Variants in FUT9 observed in about 807,000 individuals in gnomAD.
The protein encoded by FUT9 is fucosyltransferase 9, also known as 4-galactosyl-N-acetylglucosaminide 3-alpha-L-fucosyltransferase 9.
A neutral mutation model predicts 29.7 loss-of-function variants in FUT9; 15 were observed. The observed-to-expected ratio is 0.51, with a 90% CI of 0.34 to 0.78. The LOEUF is 0.78. Ranked by LOEUF, FUT9 falls within the 30% of genes least tolerant of loss-of-function variation. The pLI is 0.01. For missense variants in FUT9, 319 were observed against 425.4 expected, an observed-to-expected ratio of 0.75 and a Z score of 2.20; for synonymous variants, 169 against 153.7, an observed-to-expected ratio of 1.10 and a Z score of -0.74.
At chr6:96,158,805 C>T (rs969700230) in intron 2 of FUT9, among the ~76,000 whole-genome samples, 6 of 152,066 alleles carry the variant, frequency 3.9e-5, no homozygotes, top group Non-Finnish European at 5.9e-5. Flanking sequence ...CCTGAATCAA[C>T]CTCTTAGGCT....
At chr6:96,138,887 T>A (rs1043858377) in intron 2 of FUT9, among the ~76,000 whole-genome samples, 2 of 152,134 alleles carry the variant, frequency 1.3e-5, no homozygotes, top group African/African-American at 4.8e-5. Context: ...GGTAAAACTC[T>A]CAAACAAAAA....
Position 96,215,129 on chromosome 6 carries a change from T to A in FUT9, c.*10894T>A, listed in dbSNP as rs887240847. The A allele has an allele frequency of 6.0e-6, 1 of 166,996 alleles. No homozygotes were observed. The highest frequency in any genetic ancestry group is 2.1e-4 in the South Asian group (1 of 4,834). 10.3% of individuals were successfully genotyped at this position (166,996 alleles called of 1,614,324 possible). A position where few individuals can be genotyped will look rare whatever the true frequency, so the allele number is the denominator to read the frequency against. On this transcript the variant is annotated 3_prime_UTR_variant, in exon 3 of 3. Coordinates refer to ENST00000302103, the MANE Select transcript of FUT9 (RefSeq NM_006581.4). Reference sequence around the variant, plus strand: ...TCATTGATTGAAACTGTAAATAACATAACACTTTAAGGCAGCTAAGCAAAT... The same window carrying A: ...TCATTGATTGAAACTGTAAATAACAAAACACTTTAAGGCAGCTAAGCAAAT...
rs1248738499 is a variant in FUT9 at position 96,211,813 on chromosome 6, T to C, written c.*7578T>C. On this transcript the variant is annotated 3_prime_UTR_variant, in exon 3 of 3. Coordinates refer to ENST00000302103, the MANE Select transcript of FUT9 (RefSeq NM_006581.4). Reference sequence around the variant, plus strand: ...TATTTTTAAGTAGTTTCTAATTGTGTTCCTTTAAAGAGTATTAGAAATGTC... The same window carrying C: ...TATTTTTAAGTAGTTTCTAATTGTGCTCCTTTAAAGAGTATTAGAAATGTC... 3.2e-6 allele frequency: 1 copy of C among 315,402 alleles called. No homozygotes were observed. 19.5% of individuals were successfully genotyped at this position (315,402 alleles called of 1,614,324 possible).
chr6:96,154,263 A>C (rs113771949), intron 2 of FUT9, among the ~76,000 whole-genome samples: 1,984 of 152,320 alleles, frequency 0.013, 39 homozygotes, highest in Middle Eastern at 0.024. Flanking sequence ...AATCATTTTC[A>C]CAAATGGTGA....
intron 1 of FUT9, among the ~76,000 whole-genome samples, chr6:96,097,539 G>C (rs1033281915): frequency 2.0e-5 from 3 of 152,144 alleles, no homozygotes; most frequent in Non-Finnish European, 4.4e-5. Context: ...AGATATTATA[G>C]TCTGAGGCAT....
intron 1 of FUT9, among the ~76,000 whole-genome samples, chr6:96,054,023 G>T (rs1033966077): frequency 6.6e-6 from 1 of 152,172 alleles, no homozygotes; most frequent in Non-Finnish European, 1.5e-5. Flanking sequence ...ATAAAGCACA[G>T]GATGTCATAA....
At chr6:96,094,898 GA>G (rs1243647523) in intron 1 of FUT9, among the ~76,000 whole-genome samples, 3 of 151,966 alleles carry the variant, frequency 2.0e-5, no homozygotes, top group Admixed American at 1.3e-4. Flanking sequence ...TTGGTTACAT[GA>G]ATAAATTCTT....
intron 2 of FUT9, among the ~76,000 whole-genome samples, chr6:96,186,828 C>A (rs536807525): frequency 6.6e-6 from 1 of 152,182 alleles, no homozygotes; most frequent in South Asian, 2.1e-4. Context: ...CCTTTCTCTA[C>A]CTTTTTACTT....
chr6:96,174,107 T>A (rs2127983944), intron 2 of FUT9, among the ~76,000 whole-genome samples: 1 of 152,042 alleles, frequency 6.6e-6, no homozygotes, highest in Middle Eastern at 3.4e-3. Flanking sequence ...CCTTCATGGG[T>A]TTTGCAGTCA....
At chr6:96,161,733 G>A (rs1179122830) in intron 2 of FUT9, among the ~76,000 whole-genome samples, 1 of 152,114 alleles carries the variant, frequency 6.6e-6, no homozygotes, top group East Asian at 1.9e-4. Context: ...ACATTATGCA[G>A]ATATTTAAAT....
intron 1 of FUT9, among the ~76,000 whole-genome samples, chr6:96,081,601 T>C (rs1469241954): frequency 6.6e-6 from 1 of 151,870 alleles, no homozygotes; most frequent in Admixed American, 6.6e-5. Flanking sequence ...GTTTCATTGT[T>C]GTCCTTCTGG....
chr6:96,047,585 A>T (rs2127936372), intron 1 of FUT9, among the ~76,000 whole-genome samples: 1 of 152,198 alleles, frequency 6.6e-6, no homozygotes, highest in Non-Finnish European at 1.5e-5. Context: ...GTACTTTGTG[A>T]TTTTAGTTTC....
intron 1 of FUT9, among the ~76,000 whole-genome samples, chr6:96,043,369 G>A (rs1770504060): frequency 6.6e-6 from 1 of 152,080 alleles, no homozygotes; most frequent in Admixed American, 6.5e-5. Flanking sequence ...TTATTCTAAG[G>A]GTATAACTGT....
chr6:96,169,334 A>T (rs551241008), intron 2 of FUT9, among the ~76,000 whole-genome samples: 1 of 152,344 alleles, frequency 6.6e-6, no homozygotes, highest in Admixed American at 6.5e-5. Flanking sequence ...TGTCATTATC[A>T]TGGAGGATAA....
intron 2 of FUT9, among the ~76,000 whole-genome samples, chr6:96,147,162 T>C (rs1772583802): frequency 6.6e-6 from 1 of 151,590 alleles, no homozygotes; most frequent in African/African-American, 2.4e-5. Context: ...TTTTTATTTT[T>C]CTTTTTTTTT....
At chr6:96,123,060 C>CAAAAAAAAA (rs56330234) in intron 2 of FUT9, among the ~76,000 whole-genome samples, 1 of 64,970 alleles carries the variant, frequency 1.5e-5, no homozygotes, top group African/African-American at 6.9e-5. Flanking sequence ...GACTCAGTCT[C>CAAAAAAAAA]AAAAAAAAAA....
At chr6:96,098,261 C>T (rs1771533697) in intron 1 of FUT9, among the ~76,000 whole-genome samples, 1 of 152,218 alleles carries the variant, frequency 6.6e-6, no homozygotes, top group South Asian at 2.1e-4. Context: ...TTCTGGATCT[C>T]CCTCCTCTGA....
intron 2 of FUT9, among the ~76,000 whole-genome samples, chr6:96,142,403 C>G (rs2127973627): frequency 1.3e-5 from 2 of 152,192 alleles, no homozygotes; most frequent in East Asian, 3.9e-4. Flanking sequence ...AGTGTCAGAT[C>G]TAAAGTGGTA....
chr6:96,203,451 T>C lies in FUT9; in HGVS notation c.296T>C (p.Leu99Pro), dbSNP rs1773765740. ...QGCHLTTDRS[L>P]YNKSHAVLIH... ...TGCCATCTCACAACGGACCGTTCACTGTACAACAAATCCCATGCAGTTCTG... is the reference window on the plus strand; with the variant it reads ...TGCCATCTCACAACGGACCGTTCACCGTACAACAAATCCCATGCAGTTCTG... The change falls in exon 3 of 3, where the codon CTG becomes CCG. Residue 99 changes from leucine to proline, a missense_variant. By Grantham distance (98) the Leu-to-Pro change is moderately conservative. Coordinates refer to ENST00000302103, the MANE Select transcript of FUT9 (RefSeq NM_006581.4). The C allele has an allele frequency of 6.2e-7, 1 of 1,608,466 alleles. No individual in the cohort carries two copies. The highest frequency in any genetic ancestry group is 1.3e-5 in the African/African-American group (1 of 74,842).
Sources: gnomAD v4.1 joint callset for allele counts (sites outside exome capture counted in the v4.1 genomes callset) on GRCh38, gnomAD v4.1.1 for gene constraint, MANE v1.5 for transcripts, NCBI Gene and HGNC (gene_info 2026-07-23, HGNC 2026-07-21) for gene names.